Variants in PDE4D observed in about 807,000 individuals in gnomAD.
The protein encoded by PDE4D is phosphodiesterase 4D, also known as 3',5'-cyclic-AMP phosphodiesterase 4D.
Under a neutral mutation model 87.4 loss-of-function variants are expected in PDE4D, and 24 were observed. The ratio of observed to expected loss-of-function variants is 0.27; its 90% CI spans 0.20 to 0.39. The LOEUF (loss-of-function observed/expected upper bound fraction) is 0.39. Ranked by LOEUF, PDE4D falls within the 10% of genes least tolerant of loss-of-function variation. The pLI is 1.00. For missense variants in PDE4D, 714 were observed against 1,041.0 expected, an observed-to-expected ratio of 0.69 and a Z score of 4.32; for synonymous variants, 384 against 383.2, an observed-to-expected ratio of 1.00 and a Z score of -0.02.
At chr5:59,957,373 CTT>C (rs571371722) in intron 3 of PDE4D, among the ~76,000 whole-genome samples, 2 of 145,534 alleles carry the variant, frequency 1.4e-5, no homozygotes. Context: ...TAAAGTTGCA[CTT>C]TTTTTTTTTG....
chr5:58,976,467 A>C lies in PDE4D; in HGVS notation c.1713T>G (p.Leu571=). 1 of 1,560,928 alleles carries C rather than the reference A, an allele frequency of 6.4e-7. No homozygotes were observed. Among genetic ancestry groups the C allele is most frequent in the Non-Finnish European group, 8.7e-7 (1 of 1,149,538 alleles). The change falls in exon 13 of 15, where the codon CTT becomes CTG. Residue 571 remains leucine, a synonymous_variant. Coordinates refer to ENST00000340635, the MANE Select transcript of PDE4D (RefSeq NM_001104631.2). ...TCATGTGTTTTGACATATCTGTTGC[A>C]AGTACCTTAAAATATAGAGTATATT... is the stretch of plus-strand genomic sequence containing the variant. ...SLRKMVIDIV[L]ATDMSKHMNL...
intron 1 of PDE4D, among the ~76,000 whole-genome samples, chr5:59,876,457 C>T (rs1748619367): frequency 6.6e-6 from 1 of 152,150 alleles, no homozygotes; most frequent in Non-Finnish European, 1.5e-5. Flanking sequence ...CTTAAGATTT[C>T]CATCTCTTTA....
intron 1 of PDE4D, among the ~76,000 whole-genome samples, chr5:59,693,162 A>G (rs1751242745): frequency 6.6e-6 from 1 of 152,040 alleles, no homozygotes. Context: ...TTTTGAATAA[A>G]CAACATAACT....
At chr5:59,259,013 AT>A (rs1297327087) in intron 1 of PDE4D, among the ~76,000 whole-genome samples, 1 of 151,838 alleles carries the variant, frequency 6.6e-6, no homozygotes, top group Non-Finnish European at 1.5e-5. Context: ...TTCCATTATC[AT>A]TTCACTTGTG....
chr5:60,209,094 T>C (rs112756799), intron 1 of PDE4D, among the ~76,000 whole-genome samples: 2,125 of 152,240 alleles, frequency 0.014, 23 homozygotes, highest in Middle Eastern at 0.034. Context: ...AAGAGAAATC[T>C]GTGCTGGAAA....
chr5:59,909,247 T>C (rs907446206), intron 3 of PDE4D, among the ~76,000 whole-genome samples: 1 of 152,204 alleles, frequency 6.6e-6, no homozygotes, highest in Non-Finnish European at 1.5e-5. Flanking sequence ...AGCCTTCTAA[T>C]TTAGTATTAT....
At chr5:60,382,940 G>T (rs558575817) in intron 1 of PDE4D, among the ~76,000 whole-genome samples, 19 of 152,196 alleles carry the variant, frequency 1.2e-4, no homozygotes, top group African/African-American at 4.6e-4. Flanking sequence ...TCTTCAAAGT[G>T]TAACATTCAA....
chr5:60,025,113 T>C (rs537954014), intron 2 of PDE4D, among the ~76,000 whole-genome samples: 6 of 152,282 alleles, frequency 3.9e-5, no homozygotes, highest in African/African-American at 9.6e-5. Context: ...TGAAGATAAA[T>C]TGGATTTATA....
chr5:59,835,473 C>T (rs956514822), intron 1 of PDE4D, among the ~76,000 whole-genome samples: 3 of 151,980 alleles, frequency 2.0e-5, no homozygotes, highest in Admixed American at 6.6e-5. Flanking sequence ...TGTGAACATG[C>T]CTTATCACTG....
At chr5:59,169,529 G>A (rs1456334573) in intron 5 of PDE4D, among the ~76,000 whole-genome samples, 2 of 152,102 alleles carry the variant, frequency 1.3e-5, no homozygotes, top group African/African-American at 4.8e-5. Context: ...TGACCCTGAC[G>A]CTGATGCCCA....
At chr5:60,045,923 G>A (rs1769180738) in intron 2 of PDE4D, among the ~76,000 whole-genome samples, 1 of 152,138 alleles carries the variant, frequency 6.6e-6, no homozygotes, top group Non-Finnish European at 1.5e-5. Flanking sequence ...TAGCTTGATG[G>A]GGATGGCACT....
intron 1 of PDE4D, among the ~76,000 whole-genome samples, chr5:60,520,837 G>C (rs1417558252): frequency 6.6e-6 from 1 of 152,126 alleles, no homozygotes; most frequent in African/African-American, 2.4e-5. Context: ...AAAATCAAAG[G>C]CTTCCTCCCA....
intron 1 of PDE4D, among the ~76,000 whole-genome samples, chr5:59,725,012 A>T (rs1350366867): frequency 1.3e-5 from 2 of 152,090 alleles, no homozygotes; most frequent in East Asian, 3.9e-4. Flanking sequence ...CATCCATAAA[A>T]TTCAGGATAA....
intron 3 of PDE4D, among the ~76,000 whole-genome samples, chr5:59,188,013 G>A (rs1187913050): frequency 6.6e-6 from 1 of 152,070 alleles, no homozygotes; most frequent in Non-Finnish European, 1.5e-5. Context: ...CAAAGAGGGA[G>A]CATCTGTTAC....
intron 2 of PDE4D, among the ~76,000 whole-genome samples, chr5:60,127,266 T>C (rs1779196569): frequency 6.6e-6 from 1 of 152,132 alleles, no homozygotes; most frequent in Admixed American, 6.6e-5. Flanking sequence ...ATTGAGCCCC[T>C]GGACAATCAC....
chr5:60,096,898 C>G (rs546043559), intron 2 of PDE4D, among the ~76,000 whole-genome samples: 126 of 152,066 alleles, frequency 8.3e-4, no homozygotes, highest in Non-Finnish European at 1.6e-3. Flanking sequence ...CAAGTCTTAC[C>G]AACACTCTTC....
chr5:59,051,439 A>G (rs1023485182), intron 5 of PDE4D, among the ~76,000 whole-genome samples: 1 of 152,200 alleles, frequency 6.6e-6, no homozygotes, highest in African/African-American at 2.4e-5. Context: ...TAGGAAGAAT[A>G]TGTATTTGTC....
intron 2 of PDE4D, among the ~76,000 whole-genome samples, chr5:60,013,302 T>G (rs1765190382): frequency 6.6e-6 from 1 of 152,162 alleles, no homozygotes; most frequent in Admixed American, 6.5e-5. Flanking sequence ...ACTTTTAACC[T>G]TTTTACCTTT....
chr5:59,057,534 T>A (rs1022408999), intron 5 of PDE4D, among the ~76,000 whole-genome samples: 2 of 152,158 alleles, frequency 1.3e-5, no homozygotes, highest in African/African-American at 2.4e-5. Context: ...CATGTTAGGA[T>A]TTTTGGGATC....
Sources: allele counts gnomAD v4.1 joint callset (sites outside exome capture counted in the v4.1 genomes callset), GRCh38; gene constraint gnomAD v4.1.1; transcripts MANE v1.5; gene names NCBI Gene and HGNC (gene_info 2026-07-23, HGNC 2026-07-21).